Variants in P3H2 observed in about 807,000 individuals in gnomAD.
P3H2 encodes the protein leprecan-like 1.
A neutral mutation model predicts 87.0 loss-of-function variants in P3H2; 80 were observed. The ratio of observed to expected loss-of-function variants is 0.92; its 90% CI spans 0.77 to 1.11. P3H2 has a LOEUF of 1.11. Among genes scored for constraint, P3H2 ranks in the 50% least tolerant of loss-of-function variants. The pLI, the probability that P3H2 is intolerant of heterozygous loss-of-function variation, is 0.00. For synonymous variants in P3H2, 367 were observed against 359.3 expected (o/e 1.02, Z -0.24); for missense variants, 1,001 against 923.9 (o/e 1.08, Z -1.08).
chr3:190,120,531 C>T lies in P3H2; in HGVS notation c.201G>A (p.Leu67=), dbSNP rs529303797. 510 of 1,494,170 alleles carry T rather than the reference C, an allele frequency of 3.4e-4. No individual in the cohort carries two copies. Among genetic ancestry groups the T allele is most frequent in the Middle Eastern group, 2.0e-3 (10 of 5,120 alleles). 92.6% of individuals were successfully genotyped at this position (1,494,170 alleles called of 1,614,324 possible). ...GCCGGTGGCTGCGCAGCGCCGCTTCCAAGTCGCGCACCGCTCGCTCGTAGT... is the reference window on the plus strand; with the variant it reads ...GCCGGTGGCTGCGCAGCGCCGCTTCTAAGTCGCGCACCGCTCGCTCGTAGT... The part of the protein sequence containing the change: ...SGDYERAVRD[L]EAALRSHRRL... Residue 67 remains leucine, a synonymous_variant, in exon 1 of 15, where the codon TTG becomes TTA. Transcript: ENST00000319332.
chr3:190,121,676 G>A (rs1344309318), upstream of P3H2: 1 of 152,276 alleles, frequency 6.6e-6, no homozygotes, highest in African/African-American at 2.4e-5. Flanking sequence ...GGCAGGAGGA[G>A]CTGTACTCGC....
chr3:190,120,876 G>C lies in P3H2; in HGVS notation c.-145C>G. On this transcript the variant is annotated 5_prime_UTR_variant, in exon 1 of 15. Coordinates refer to ENST00000319332, the MANE Select transcript of P3H2 (RefSeq NM_018192.4). ...GCTCCGCGAGCCCCAGGTGACCGCC[G>C]GCGCTCCGCGTACTGAGAGGCGGAG... 3.8e-6 allele frequency: 5 copies of C among 1,310,676 alleles called. No individual in the cohort carries two copies. The highest frequency in any genetic ancestry group is 2.7e-4 in the Middle Eastern group (1 of 3,674). 81.2% of individuals were successfully genotyped at this position (1,310,676 alleles called of 1,614,324 possible).
At chr3:189,969,991 G>C in intron 13 of P3H2, 1 of 597,796 alleles carries the variant, frequency 1.7e-6, no homozygotes, top group Non-Finnish European at 3.1e-6. Context: ...GAAGACCAAA[G>C]GATGCTAACT....
intron 8 of P3H2, among the ~76,000 whole-genome samples, chr3:189,982,646 C>A (rs1001951186): frequency 2.0e-5 from 3 of 152,104 alleles, no homozygotes; most frequent in Non-Finnish European, 4.4e-5. Context: ...ATCTAATATC[C>A]CATGTGGCTG....
At chr3:190,036,465 G>A (rs1280165880) in intron 1 of P3H2, among the ~76,000 whole-genome samples, 1 of 152,150 alleles carries the variant, frequency 6.6e-6, no homozygotes, top group Non-Finnish European at 1.5e-5. Flanking sequence ...ATCTAAACTG[G>A]TATATCACTT....
At chr3:190,073,894 T>G (rs1726785005) in intron 1 of P3H2, among the ~76,000 whole-genome samples, 1 of 152,202 alleles carries the variant, frequency 6.6e-6, no homozygotes, top group African/African-American at 2.4e-5. Context: ...TTGCCTGAAT[T>G]TTTAAAGTGA....
chr3:190,120,234 G>GGAGC lies in P3H2; in HGVS notation c.480+14_480+17dup, dbSNP rs766191234. On this transcript the variant is annotated intron_variant, in intron 1 of 14. Transcript: ENST00000319332. ...AGAGCCGCAGGGGCTTTGCAGTGGAGGAGCGCTCTGTGGGTACCTTGATGT... is the reference window on the plus strand; with the variant it reads ...AGAGCCGCAGGGGCTTTGCAGTGGAGGAGCGAGCGCTCTGTGGGTACCTTGATGT... 1 of 1,606,904 alleles carries GGAGC rather than the reference G, an allele frequency of 6.2e-7. No individual in the cohort carries two copies. The highest frequency in any genetic ancestry group is 8.5e-7 in the Non-Finnish European group (1 of 1,177,704).
intron 8 of P3H2, among the ~76,000 whole-genome samples, chr3:189,975,682 C>T (rs1723328979): frequency 6.6e-6 from 1 of 152,134 alleles, no homozygotes; most frequent in Admixed American, 6.5e-5. Flanking sequence ...AACACTCCAA[C>T]AGAGGAAGAA....
At chr3:190,057,627 A>G (rs989687920) in intron 1 of P3H2, among the ~76,000 whole-genome samples, 2 of 139,530 alleles carry the variant, frequency 1.4e-5, no homozygotes, top group African/African-American at 5.3e-5. Context: ...GGAAAGAAAA[A>G]AGCCATCACA....
intron 1 of P3H2, among the ~76,000 whole-genome samples, chr3:190,038,705 T>C (rs959161402): frequency 2.6e-5 from 4 of 152,216 alleles, no homozygotes; most frequent in Middle Eastern, 3.4e-3. Context: ...ATTTATTTCA[T>C]CCCCAAGACA....
chr3:190,028,286 C>T (rs574649525), intron 1 of P3H2, among the ~76,000 whole-genome samples: 2 of 152,278 alleles, frequency 1.3e-5, no homozygotes, highest in East Asian at 3.9e-4. Flanking sequence ...AATTTTTAGG[C>T]TGGCCTCTCA....
chr3:190,020,171 C>T (rs901150199), intron 1 of P3H2, among the ~76,000 whole-genome samples: 3 of 132,728 alleles, frequency 2.3e-5, no homozygotes. Context: ...CTAAGGCGTT[C>T]AACACCAGGT....
At chr3:190,019,134 C>G (rs1724856761) in intron 1 of P3H2, among the ~76,000 whole-genome samples, 1 of 152,166 alleles carries the variant, frequency 6.6e-6, no homozygotes, top group African/African-American at 2.4e-5. Context: ...AGTCACTTTT[C>G]TGACTTGGCA....
At chr3:190,089,090 C>T (rs1238566934) in intron 1 of P3H2, among the ~76,000 whole-genome samples, 1 of 152,200 alleles carries the variant, frequency 6.6e-6, no homozygotes, top group Non-Finnish European at 1.5e-5. Flanking sequence ...TTTATCTTAT[C>T]TCCTAGGGCC....
At position 190,080,496 on chromosome 3, in the gene P3H2, GTGCAAGTGATTCTC is replaced by G. The variant is rs559899078; in HGVS notation, c.480+39742_480+39755del. 2.2e-3 allele frequency among the ~76,000 whole-genome samples: 328 copies of G among 152,192 alleles called. 2 individuals are homozygous for G. The highest frequency in any genetic ancestry group is 3.8e-3 in the Non-Finnish European group (260 of 68,000). ...GCTCACCGCAACCTCTGCCTCCCAG[GTGCAAGTGATTCTC>G]CTGCTTCAGCCTCCCGAGTAGCTGG... On this transcript the variant is annotated intron_variant, in intron 1 of 14. Coordinates refer to ENST00000319332, the MANE Select transcript of P3H2 (RefSeq NM_018192.4).
intron 1 of P3H2, among the ~76,000 whole-genome samples, chr3:190,033,927 A>G (rs928358614): frequency 3.9e-5 from 6 of 152,246 alleles, no homozygotes; most frequent in Non-Finnish European, 5.9e-5. Context: ...TTTAATAAAC[A>G]GAAATTTGCG....
At chr3:189,960,747 C>T (rs1328261081) in intron 14 of P3H2, among the ~76,000 whole-genome samples, 4 of 152,160 alleles carry the variant, frequency 2.6e-5, no homozygotes, top group African/African-American at 9.7e-5. Context: ...TAACACAGTG[C>T]CTGCGCACAG....
chr3:189,988,259 A>G lies in P3H2; in HGVS notation c.956-590T>C, dbSNP rs148035674. Among the ~76,000 whole-genome samples the G allele has an allele frequency of 4.6e-3, 695 of 152,310 alleles. 6 individuals carry two copies. Among genetic ancestry groups the G allele is most frequent in the African/African-American group, 0.016 (678 of 41,570 alleles). ...AGGAACTAACAAGGATGTTTCCAAT[A>G]TAAACTTTTCATTATAGAAATATTT... is the stretch of plus-strand genomic sequence containing the variant. On this transcript the variant is annotated intron_variant, in intron 4 of 14. Transcript: ENST00000319332.
At chr3:190,120,914 C>T, upstream of P3H2, 2 of 959,108 alleles carry the variant, frequency 2.1e-6, no homozygotes, top group Non-Finnish European at 2.9e-6. Context: ...CGTGCCTGGC[C>T]AGCCGCTCTT....
Sources: gnomAD v4.1 joint callset for allele counts (sites outside exome capture counted in the v4.1 genomes callset) on GRCh38, gnomAD v4.1.1 for gene constraint, MANE v1.5 for transcripts, NCBI Gene and HGNC (gene_info 2026-07-23, HGNC 2026-07-21) for gene names.